CAMK2A: variants seen among roughly 807,000 people sequenced by gnomAD.
CAMK2A encodes the protein calcium/calmodulin dependent protein kinase II alpha.
In CAMK2A, 7 loss-of-function variants were observed where a neutral mutation model predicts 79.2. The ratio of observed to expected loss-of-function variants is 0.09; its 90% confidence interval spans 0.05 to 0.17. CAMK2A has a LOEUF of 0.17. Ranked by LOEUF, CAMK2A falls within the 10% of genes least tolerant of loss-of-function variation. The pLI is 1.00. For missense variants in CAMK2A, 214 were observed against 646.4 expected, an observed-to-expected ratio of 0.33 and a Z score of 7.25; for synonymous variants, 242 against 251.7, an observed-to-expected ratio of 0.96 and a Z score of 0.36.
In CAMK2A at chr5:150,250,211, G is replaced by GT. The variant is rs1272611166; in HGVS notation, c.900+14dup. On this transcript the variant is annotated intron_variant, in intron 11 of 18. Transcript: ENST00000671881. Reference sequence around the variant, plus strand: ...AGTCCCATGGCCAGGACTGTGGAGGGTGAGGACCTGTTACCTTCAGTTTCC... The same window carrying GT: ...AGTCCCATGGCCAGGACTGTGGAGGGTTGAGGACCTGTTACCTTCAGTTTCC... 2 of 1,605,898 alleles carry GT rather than the reference G, an allele frequency of 1.2e-6. No individual in the cohort carries two copies. The highest frequency in any genetic ancestry group is 1.7e-6 in the Non-Finnish European group (2 of 1,172,686).
intron 15 of CAMK2A, among the ~76,000 whole-genome samples, chr5:150,237,144 C>A (rs1335643639): frequency 1.3e-5 from 2 of 152,168 alleles, no homozygotes; most frequent in African/African-American, 4.8e-5. Flanking sequence ...CAGGAAGGGA[C>A]ACACACGGGG....
intron 15 of CAMK2A, among the ~76,000 whole-genome samples, chr5:150,237,207 T>A (rs1463064953): frequency 6.6e-6 from 1 of 152,206 alleles, no homozygotes; most frequent in Non-Finnish European, 1.5e-5. Context: ...CCTTGGTATG[T>A]GGTGCGTCAA....
chr5:150,251,647 C>T lies in CAMK2A; in HGVS notation c.693+103G>A, dbSNP rs538412329. 227 of 834,244 alleles carry T rather than the reference C, an allele frequency of 2.7e-4. 2 individuals carry two copies. In the South Asian group the frequency reaches 4.1e-3, roughly 15 times the overall value. The allele number at this position is 834,244 out of a possible 1,614,324, so 51.7% of individuals were successfully genotyped here. ...GGCCCTGGTCAGTCTTCATGCTCCCCTGGGGTTCACCCCTGTGCCAGAACT... is the reference window on the plus strand; with the variant it reads ...GGCCCTGGTCAGTCTTCATGCTCCCTTGGGGTTCACCCCTGTGCCAGAACT... On this transcript the variant is annotated intron_variant, in intron 9 of 18. Transcript: ENST00000671881.
At chr5:150,263,573 A>T (rs1756386182) in intron 3 of CAMK2A, among the ~76,000 whole-genome samples, 2 of 151,680 alleles carry the variant, frequency 1.3e-5, no homozygotes, top group South Asian at 4.2e-4. Context: ...ACATACACAC[A>T]CACATACATG....
intron 9 of CAMK2A, 51 bp downstream of exon 9, chr5:150,251,699 C>A (rs1236471125): frequency 7.1e-7 from 1 of 1,406,820 alleles, no homozygotes; most frequent in East Asian, 2.4e-5. Context: ...CTGGCTTTCA[C>A]TGGAAGGGCA....
At chr5:150,249,034 G>C (rs1392175660) in intron 11 of CAMK2A, among the ~76,000 whole-genome samples, 1 of 152,172 alleles carries the variant, frequency 6.6e-6, no homozygotes, top group African/African-American at 2.4e-5. Flanking sequence ...TCCACTGCAG[G>C]ATGGGGATGG....
intron 1 of CAMK2A, among the ~76,000 whole-genome samples, chr5:150,277,033 C>T (rs1461857296): frequency 6.6e-6 from 1 of 152,154 alleles, no homozygotes; most frequent in East Asian, 1.9e-4. Context: ...AGTTTGAGAC[C>T]AGCCTGGGCA....
At chr5:150,240,694 C>A (rs1274253458) in intron 13 of CAMK2A, among the ~76,000 whole-genome samples, 12 of 152,174 alleles carry the variant, frequency 7.9e-5, no homozygotes, top group Admixed American at 7.9e-4. Context: ...AACTGAGGCC[C>A]AGAGAGGTGC....
intron 17 of CAMK2A, among the ~76,000 whole-genome samples, chr5:150,224,408 C>G (rs971135299): frequency 6.6e-6 from 1 of 152,186 alleles, no homozygotes; most frequent in Non-Finnish European, 1.5e-5. Context: ...AATCTCCCTT[C>G]TCCTTCCCTA....
intron 12 of CAMK2A, among the ~76,000 whole-genome samples, chr5:150,246,782 C>T (rs1342448392): frequency 6.6e-6 from 1 of 152,214 alleles, no homozygotes; most frequent in African/African-American, 2.4e-5. Context: ...GGGTCTCACT[C>T]CTCCCAACTG....
At chr5:150,234,147 C>T (rs903929942) in intron 15 of CAMK2A, among the ~76,000 whole-genome samples, 1 of 152,216 alleles carries the variant, frequency 6.6e-6, no homozygotes, top group Non-Finnish European at 1.5e-5. Flanking sequence ...CACATGGAAT[C>T]AGGGGTGACA....
At chr5:150,265,036 T>C in intron 2 of CAMK2A, 21 bp from the exon 3 acceptor site, 1 of 1,588,686 alleles carries the variant, frequency 6.3e-7, no homozygotes, top group Non-Finnish European at 8.6e-7. Flanking sequence ...GAGGCTCATG[T>C]GAGTCCCCGG....
At chr5:150,245,101 G>A in intron 13 of CAMK2A, 60 bp downstream of exon 13, 1 of 1,553,104 alleles carries the variant, frequency 6.4e-7, no homozygotes, top group South Asian at 1.1e-5. Flanking sequence ...CTGAAAGCCG[G>A]TCTCTGTTGG....
intron 13 of CAMK2A, among the ~76,000 whole-genome samples, chr5:150,244,411 C>T (rs750773948): frequency 1.8e-4 from 27 of 152,260 alleles, no homozygotes; most frequent in Non-Finnish European, 3.8e-4. Flanking sequence ...GGGGCCCTCG[C>T]CAGGCAGGGC....
At chr5:150,228,423 G>T (rs1206255123) in intron 16 of CAMK2A, 137 bp from the exon 17 acceptor site, 4 of 633,856 alleles carry the variant, frequency 6.3e-6, no homozygotes, top group East Asian at 5.5e-5. Context: ...GGGGCCAGGG[G>T]CTTGCAAGTT....
chr5:150,259,129 G>C (rs137865206), intron 3 of CAMK2A, among the ~76,000 whole-genome samples: 2 of 151,600 alleles, frequency 1.3e-5, no homozygotes, highest in Non-Finnish European at 2.9e-5. Context: ...GCAGTGAGCC[G>C]AGATCGTGCC....
At chr5:150,245,403 G>C in intron 12 of CAMK2A, 1 of 599,094 alleles carries the variant, frequency 1.7e-6, no homozygotes, top group South Asian at 2.0e-5. Context: ...GGACTGCCTG[G>C]GTTCCCCGCC....
At chr5:150,272,882 A>T (rs1756808316) in intron 2 of CAMK2A, among the ~76,000 whole-genome samples, 183 bp downstream of exon 2, 1 of 151,836 alleles carries the variant, frequency 6.6e-6, no homozygotes, top group Non-Finnish European at 1.5e-5. Flanking sequence ...CAGCCTTGAA[A>T]AAAAGGAAAA....
intron 1 of CAMK2A, among the ~76,000 whole-genome samples, chr5:150,287,518 T>G (rs1580964426): frequency 6.6e-6 from 1 of 151,966 alleles, no homozygotes; most frequent in Non-Finnish European, 1.5e-5. Context: ...TCACGAAGGG[T>G]CTCTCTACCA....
Sources: gnomAD v4.1 joint callset for allele counts (sites outside exome capture counted in the v4.1 genomes callset) on GRCh38, gnomAD v4.1.1 for gene constraint, MANE v1.5 for transcripts, NCBI Gene and HGNC (gene_info 2026-07-23, HGNC 2026-07-21) for gene names.